The following DPYD variants were observed in gnomAD, a reference collection of about 807,000 sequenced individuals.
DPYD encodes dihydropyrimidine dehydrogenase.
A neutral mutation model predicts 116.2 loss-of-function variants in DPYD; 109 were observed. The ratio of observed to expected loss-of-function variants is 0.94; its 90% CI spans 0.80 to 1.10. DPYD has a LOEUF of 1.10. DPYD is among the 50% of genes least tolerant of loss of function. The pLI is 0.00. For missense variants in DPYD, 1,302 were observed against 1,254.5 expected (o/e 1.04, Z -0.57); for synonymous variants, 440 against 432.0 (o/e 1.02, Z -0.23).
rs145976239 is a variant in DPYD, at chr1:97,749,013, A to G, written c.234-8534T>C. Among the ~76,000 whole-genome samples, 313 of 152,272 alleles carry G rather than the reference A, an allele frequency of 2.1e-3. 2 individuals carry two copies. The highest frequency in any genetic ancestry group is 3.6e-3 in the Non-Finnish European group (246 of 68,018). The stretch of plus-strand genomic sequence containing the variant: ...GTTTGAAAAGTATCTGAAGGATGCA[A>G]CTGGTAAGTATGAGAATATATGTGA... On this transcript the variant is annotated intron_variant, in intron 3 of 22. Transcript: ENST00000370192.
chr1:97,174,490 T>C (rs148717531), intron 20 of DPYD, among the ~76,000 whole-genome samples: 19 of 152,192 alleles, frequency 1.2e-4, no homozygotes, highest in African/African-American at 4.1e-4. Flanking sequence ...TGCTGGCAAG[T>C]TGGCAGAGTG....
chr1:97,907,093 TCATGGG>T (rs1335881820), intron 1 of DPYD, among the ~76,000 whole-genome samples: 1 of 151,962 alleles, frequency 6.6e-6, no homozygotes, highest in African/African-American at 2.4e-5. Context: ...AAGCGATGAG[TCATGGG>T]CTGGGCAGGA....
intron 15 of DPYD, among the ~76,000 whole-genome samples, chr1:97,377,315 T>TA (rs1335600080): frequency 6.6e-6 from 1 of 152,022 alleles, no homozygotes; most frequent in Non-Finnish European, 1.5e-5. Flanking sequence ...TGATAAAAAA[T>TA]AAAAGTAAAT....
chr1:97,828,193 A>G lies in DPYD; in HGVS notation c.154T>C (p.Cys52Arg), dbSNP rs1012717787. Reference protein sequence around the residue: ...KRNPDKNCFNCEKLENNFDDI... With the variant: ...KRNPDKNCFNREKLENNFDDI... The stretch of plus-strand genomic sequence containing the variant: ...TCAAAATTATTCTCCAGCTTCTCAC[A>G]ATTCTGCAACATATTTAAAAATTGC... Residue 52 changes from cysteine to arginine, a missense_variant, in exon 3 of 23, where the codon TGT becomes CGT. Transcript: ENST00000370192. 1 of 1,613,104 alleles carries G rather than the reference A, an allele frequency of 6.2e-7. No homozygotes were observed. Among genetic ancestry groups the G allele is most frequent in the Non-Finnish European group, 8.5e-7 (1 of 1,179,684 alleles).
In DPYD at chr1:97,479,464, C is replaced by T. The variant is rs532269854; in HGVS notation, c.1741-29241G>A. ...ACACAACACGTATTGGTTAAGTTTG[C>T]TGTCTTATATGGGCATGGTTTGTGG... On this transcript the variant is annotated intron_variant, in intron 13 of 22. Coordinates refer to ENST00000370192, the MANE Select transcript of DPYD (RefSeq NM_000110.4). Among the ~76,000 whole-genome samples, 25 of 152,274 alleles carry T rather than the reference C, an allele frequency of 1.6e-4. No individual in the cohort carries two copies. The East Asian group carries it at 4.8e-3, about 29-fold the overall frequency.
intron 3 of DPYD, among the ~76,000 whole-genome samples, chr1:97,827,781 T>C (rs1266762488): frequency 1.3e-5 from 2 of 152,170 alleles, no homozygotes; most frequent in Non-Finnish European, 2.9e-5. Context: ...TAAAGCACCA[T>C]TGTACAATGT....
rs148143958 is a variant in DPYD, at chr1:97,317,893, G to A, written c.2059-11596C>T. Among the ~76,000 whole-genome samples, 13 of 152,124 alleles carry A rather than the reference G, an allele frequency of 8.5e-5. No individual in the cohort carries two copies. The East Asian group carries it at 2.3e-3, about 27-fold the overall frequency. ...CAATCCCTTGGCAATGAATGGTTCC[G>A]ACTAAGGAGAACTCATCCATAACAA... is the stretch of plus-strand genomic sequence containing the variant. On this transcript the variant is annotated intron_variant, in intron 16 of 22. Coordinates refer to ENST00000370192, the MANE Select transcript of DPYD (RefSeq NM_000110.4).
chr1:97,572,794 C>T (rs540670247), intron 11 of DPYD, among the ~76,000 whole-genome samples: 2 of 151,952 alleles, frequency 1.3e-5, no homozygotes, highest in Non-Finnish European at 2.9e-5. Context: ...ATGTTTGATG[C>T]CCTGCAGATA....
intron 8 of DPYD, among the ~76,000 whole-genome samples, chr1:97,620,904 G>A (rs1406263144): frequency 1.3e-5 from 2 of 152,042 alleles, no homozygotes; most frequent in Admixed American, 6.6e-5. Context: ...ATTAGATAAT[G>A]CTTTCATCCT....
chr1:97,170,940 T>C (rs1214200688), intron 20 of DPYD, among the ~76,000 whole-genome samples: 1 of 152,146 alleles, frequency 6.6e-6, no homozygotes, highest in Non-Finnish European at 1.5e-5. Flanking sequence ...CCCAGAGTGC[T>C]GGGATTACAG....
chr1:97,606,921 C>A lies in DPYD; in HGVS notation c.851-11755G>T, dbSNP rs114536624. Among the ~76,000 whole-genome samples, 993 of 151,990 alleles carry A rather than the reference C, an allele frequency of 6.5e-3. 7 individuals are homozygous for A. The highest frequency in any genetic ancestry group is 0.023 in the African/African-American group (954 of 41,468). On this transcript the variant is annotated intron_variant, in intron 8 of 22. Coordinates refer to ENST00000370192, the MANE Select transcript of DPYD (RefSeq NM_000110.4). ...CATAGCTTAGTATAAACACAGCTTA[C>A]CCTCCTGGGGCAACAATTTCACTCA...
chr1:97,335,317 C>G (rs1669230316), intron 16 of DPYD, among the ~76,000 whole-genome samples: 1 of 150,984 alleles, frequency 6.6e-6, no homozygotes, highest in Non-Finnish European at 1.5e-5. Context: ...CACACACACA[C>G]ACACACACAC....
chr1:97,258,567 C>T (rs1048854303), intron 18 of DPYD, among the ~76,000 whole-genome samples: 1 of 152,138 alleles, frequency 6.6e-6, no homozygotes, highest in Admixed American at 6.6e-5. Context: ...CCAAGATCAA[C>T]TCCCAAATAG....
In DPYD at chr1:97,458,346, A is replaced by C. The variant is rs140862879; in HGVS notation, c.1741-8123T>G. Among the ~76,000 whole-genome samples the C allele has an allele frequency of 4.3e-3, 649 of 152,336 alleles. 6 individuals carry two copies. The highest frequency in any genetic ancestry group is 0.015 in the African/African-American group (632 of 41,584). ...GTTTTCCATTTCTACAACATGGTTA[A>C]CAAGATATTGAAAGGAATCCCTTGC... On this transcript the variant is annotated intron_variant, in intron 13 of 22. Transcript: ENST00000370192.
intron 16 of DPYD, among the ~76,000 whole-genome samples, chr1:97,337,076 A>G (rs79626151): frequency 0.064 from 9,740 of 152,184 alleles, 413 homozygotes; most frequent in African/African-American, 0.12. Context: ...GAATTTTCTG[A>G]ATGACCAGAA....
At chr1:97,517,597 C>A (rs1235985074) in intron 12 of DPYD, among the ~76,000 whole-genome samples, 1 of 152,074 alleles carries the variant, frequency 6.6e-6, no homozygotes, top group Non-Finnish European at 1.5e-5. Context: ...CTCCTGGTCC[C>A]ACTAACCAGC....
intron 14 of DPYD, among the ~76,000 whole-genome samples, chr1:97,427,259 G>A (rs1674923863): frequency 6.6e-6 from 1 of 151,880 alleles, no homozygotes; most frequent in Non-Finnish European, 1.5e-5. Context: ...TAAGTTTTCT[G>A]ATATTGGAAG....
chr1:97,678,742 T>G (rs1660280439), intron 8 of DPYD, among the ~76,000 whole-genome samples: 1 of 152,128 alleles, frequency 6.6e-6, no homozygotes, highest in South Asian at 2.1e-4. Flanking sequence ...TATGATCACT[T>G]TAATCAATTG....
intron 3 of DPYD, among the ~76,000 whole-genome samples, chr1:97,817,430 A>C (rs975348373): frequency 6.6e-6 from 1 of 152,102 alleles, no homozygotes; most frequent in Admixed American, 6.6e-5. Flanking sequence ...TATCTTCTAA[A>C]TGGAACAAGC....
Sources: allele counts gnomAD v4.1 joint callset (sites outside exome capture counted in the v4.1 genomes callset), GRCh38; gene constraint gnomAD v4.1.1; transcripts MANE v1.5; gene names NCBI Gene and HGNC (gene_info 2026-07-23, HGNC 2026-07-21).